SDK1: variants seen among roughly 807,000 people sequenced by gnomAD.
SDK1 encodes the protein sidekick cell adhesion molecule 1, also known as protein sidekick-1.
SDK1 carries 157 observed loss-of-function variants against 245.5 expected under a neutral mutation model. That is an observed-to-expected ratio of 0.64 (90% CI 0.56 to 0.73). The LOEUF is 0.73. Ranked by LOEUF, SDK1 falls within the 30% of genes least tolerant of loss-of-function variation. The pLI, the probability that SDK1 is intolerant of heterozygous loss-of-function variation, is 0.00. For synonymous variants in SDK1, 1,647 were observed against 1,278.5 expected (o/e 1.29, Z -6.15); for missense variants, 3,583 against 3,002.3 (o/e 1.19, Z -4.52).
chr7:3,617,148 A>G (rs1338763363), intron 1 of SDK1, among the ~76,000 whole-genome samples: 1 of 152,190 alleles, frequency 6.6e-6, no homozygotes, highest in Non-Finnish European at 1.5e-5. Flanking sequence ...GTTAATATAT[A>G]TATAAGGCAT....
At chr7:4,042,936 G>A (rs184971569) in intron 17 of SDK1, among the ~76,000 whole-genome samples, 10 of 152,332 alleles carry the variant, frequency 6.6e-5, no homozygotes, top group African/African-American at 9.6e-5. Flanking sequence ...AAGAGAAGCC[G>A]AAGACCTGGG....
At chr7:3,799,358 C>T (rs1244092313) in intron 4 of SDK1, among the ~76,000 whole-genome samples, 3 of 151,708 alleles carry the variant, frequency 2.0e-5, no homozygotes, top group African/African-American at 7.3e-5. Context: ...TAGGCCCCTT[C>T]TAAGTTATTC....
intron 22 of SDK1, among the ~76,000 whole-genome samples, chr7:4,097,011 A>T (rs1782193063): frequency 6.6e-6 from 1 of 152,244 alleles, no homozygotes; most frequent in Non-Finnish European, 1.5e-5. Context: ...GCACAGCTTG[A>T]AAATGGCAAA....
Position 4,011,133 on chromosome 7 carries a change from G to A in SDK1, c.2279+20G>A, listed in dbSNP as rs1213387314. On this transcript the variant is annotated intron_variant, in intron 15 of 44. Coordinates refer to ENST00000404826, the MANE Select transcript of SDK1 (RefSeq NM_152744.4). ...AAGCAGGTGCGTGAATCCCGCCCCAGGTGGGGGTGTGGAACAGCCGGGGGC... is the reference window on the plus strand; with the variant it reads ...AAGCAGGTGCGTGAATCCCGCCCCAAGTGGGGGTGTGGAACAGCCGGGGGC... 1.2e-6 allele frequency: 2 copies of A among 1,611,794 alleles called. No homozygotes were observed. Among genetic ancestry groups the A allele is most frequent in the Admixed American group, 3.3e-5 (2 of 59,854 alleles).
chr7:3,751,773 G>A (rs1451580608), intron 4 of SDK1, among the ~76,000 whole-genome samples: 1 of 152,188 alleles, frequency 6.6e-6, no homozygotes, highest in Non-Finnish European at 1.5e-5. Flanking sequence ...CTTGCCTGGT[G>A]ATTGACACCC....
At chr7:3,498,745 T>TC (rs950389845) in intron 1 of SDK1, among the ~76,000 whole-genome samples, 31 of 151,648 alleles carry the variant, frequency 2.0e-4, no homozygotes, top group South Asian at 1.0e-3. Context: ...TTTTTTTTTT[T>TC]CCCCTTTACT....
intron 1 of SDK1, among the ~76,000 whole-genome samples, chr7:3,578,373 C>G (rs115634320): frequency 0.013 from 1,908 of 152,076 alleles, 58 homozygotes; most frequent in African/African-American, 0.044. Flanking sequence ...CGTGCTTCTG[C>G]GGAAACAGGA....
chr7:3,602,638 C>G (rs1176890470), intron 1 of SDK1, among the ~76,000 whole-genome samples: 1 of 151,654 alleles, frequency 6.6e-6, no homozygotes, highest in Non-Finnish European at 1.5e-5. Flanking sequence ...CCTGTTCACT[C>G]TGATGTTAGT....
rs577078624 is a variant in SDK1, at chr7:4,268,141, G to A, written c.*2757G>A. ...TGCCGTGCTGAAAGTCATGCCTTGCGGATGCCTCATGACAGCAGTGGCTGA... is the reference window on the plus strand; with the variant it reads ...TGCCGTGCTGAAAGTCATGCCTTGCAGATGCCTCATGACAGCAGTGGCTGA... On this transcript the variant is annotated 3_prime_UTR_variant, in exon 45 of 45. Coordinates refer to ENST00000404826, the MANE Select transcript of SDK1 (RefSeq NM_152744.4). 5.1e-6 allele frequency: 5 copies of A among 985,962 alleles called. No individual in the cohort carries two copies. Among genetic ancestry groups the A allele is most frequent in the East Asian group, 1.1e-4 (1 of 8,810 alleles). The allele number at this position is 985,962 out of a possible 1,614,324, so 61.1% of individuals were successfully genotyped here. A position where few individuals can be genotyped will look rare whatever the true frequency, so the allele number is the denominator to read the frequency against.
At chr7:3,407,605 G>A (rs962307034) in intron 1 of SDK1, among the ~76,000 whole-genome samples, 6 of 152,152 alleles carry the variant, frequency 3.9e-5, no homozygotes, top group Admixed American at 6.5e-5. Context: ...GAAATTAGAC[G>A]TATTTTTAGG....
intron 1 of SDK1, among the ~76,000 whole-genome samples, chr7:3,346,434 G>A (rs965040629): frequency 6.6e-6 from 1 of 152,250 alleles, no homozygotes; most frequent in African/African-American, 2.4e-5. Flanking sequence ...GGTCCTGATC[G>A]ATGAAGCTAC....
chr7:4,062,221 A>C (rs750293395), intron 19 of SDK1, among the ~76,000 whole-genome samples: 8 of 152,230 alleles, frequency 5.3e-5, no homozygotes, highest in Middle Eastern at 3.2e-3. Flanking sequence ...AGCTAGACTT[A>C]AGAAGAATAA....
chr7:3,425,191 C>T (rs1471720671), intron 1 of SDK1, among the ~76,000 whole-genome samples: 1 of 151,442 alleles, frequency 6.6e-6, no homozygotes, highest in Non-Finnish European at 1.5e-5. Flanking sequence ...TTTTCTTCCC[C>T]ATAAGCTGCT....
At chr7:3,902,116 C>A (rs970359459) in intron 5 of SDK1, among the ~76,000 whole-genome samples, 1 of 152,186 alleles carries the variant, frequency 6.6e-6, no homozygotes, top group South Asian at 2.1e-4. Context: ...TATTTACGAA[C>A]CAAGATCTGG....
chr7:3,612,271 C>G lies in SDK1; in HGVS notation c.299-6809C>G, dbSNP rs76035174. 6.4e-3 allele frequency among the ~76,000 whole-genome samples: 970 copies of G among 152,300 alleles called. 13 individuals are homozygous for G. The highest frequency in any genetic ancestry group is 0.022 in the African/African-American group (910 of 41,566). ...AAATTAAAAATCCTATCATAGGATC[C>G]TCTTACAGCATCATAATGTGGACCT... On this transcript the variant is annotated intron_variant, in intron 1 of 44. Transcript: ENST00000404826.
intron 44 of SDK1, among the ~76,000 whole-genome samples, chr7:4,249,221 G>A (rs371749653): frequency 6.6e-6 from 1 of 152,188 alleles, no homozygotes; most frequent in African/African-American, 2.4e-5. Flanking sequence ...GCAGAAAGCC[G>A]AGACTGAGAG....
chr7:3,564,438 G>C, intron 1 of SDK1, among the ~76,000 whole-genome samples: 1 of 151,924 alleles, frequency 6.6e-6, no homozygotes. Flanking sequence ...GCAGTGAGCC[G>C]AGATTGCGCA....
chr7:3,387,847 G>A (rs1004484981), intron 1 of SDK1, among the ~76,000 whole-genome samples: 9 of 152,070 alleles, frequency 5.9e-5, no homozygotes, highest in Non-Finnish European at 8.8e-5. Flanking sequence ...TACACGTTGC[G>A]GTTTACTTAA....
At chr7:4,246,289 C>T (rs1786855510) in intron 44 of SDK1, among the ~76,000 whole-genome samples, 1 of 152,146 alleles carries the variant, frequency 6.6e-6, no homozygotes, top group South Asian at 2.1e-4. Context: ...GTCGCTTTCA[C>T]GTGCTCCATC....
Sources: allele counts gnomAD v4.1 joint callset (sites outside exome capture counted in the v4.1 genomes callset), GRCh38; gene constraint gnomAD v4.1.1; transcripts MANE v1.5; gene names NCBI Gene and HGNC (gene_info 2026-07-23, HGNC 2026-07-21).